KIF13A: variants seen among roughly 807,000 people sequenced by gnomAD.
The protein encoded by KIF13A is kinesin-like protein KIF13A.
In KIF13A, 79 loss-of-function variants were observed where a neutral mutation model predicts 212.2. The ratio of observed to expected loss-of-function variants is 0.37; its 90% confidence interval spans 0.31 to 0.45. The LOEUF (loss-of-function observed/expected upper bound fraction) is 0.45, where lower values mean the gene tolerates loss of function less well. Ranked by LOEUF, KIF13A falls within the 20% of genes least tolerant of loss-of-function variation. KIF13A has a pLI of 1.00. For synonymous variants in KIF13A, 789 were observed against 808.6 expected, an observed-to-expected ratio of 0.98 and a Z score of 0.41; for missense variants, 1,901 against 2,209.0, an observed-to-expected ratio of 0.86 and a Z score of 2.79.
chr6:17,778,833 C>T, intron 33 of KIF13A, 114 bp downstream of exon 33: 2 of 1,236,674 alleles, frequency 1.6e-6, no homozygotes, highest in Non-Finnish European at 2.3e-6. Context: ...AGAGATGGCT[C>T]AAGTGCTCCT....
chr6:17,966,079 A>G (rs140520160), intron 2 of KIF13A, among the ~76,000 whole-genome samples: 1 of 152,286 alleles, frequency 6.6e-6, no homozygotes, highest in African/African-American at 2.4e-5. Flanking sequence ...CTATAATTCC[A>G]GCTAGTGAGG....
At chr6:17,861,649 CTT>C (rs1768797285) in intron 4 of KIF13A, among the ~76,000 whole-genome samples, 1 of 152,172 alleles carries the variant, frequency 6.6e-6, no homozygotes, top group Non-Finnish European at 1.5e-5. Flanking sequence ...AGAAAAGCCT[CTT>C]GTTTGGATAA....
intron 4 of KIF13A, among the ~76,000 whole-genome samples, chr6:17,869,345 A>G (rs1413071002): frequency 6.6e-6 from 1 of 152,202 alleles, no homozygotes; most frequent in Admixed American, 6.5e-5. Flanking sequence ...CAATGAGACA[A>G]TAATAAAGAC....
chr6:17,802,228 T>C (rs573127679), intron 20 of KIF13A, among the ~76,000 whole-genome samples: 1 of 151,718 alleles, frequency 6.6e-6, no homozygotes, highest in East Asian at 1.9e-4. Flanking sequence ...AAGACAAATA[T>C]GGAGGAAGTA....
intron 2 of KIF13A, among the ~76,000 whole-genome samples, chr6:17,929,680 G>A (rs535514195): frequency 3.3e-5 from 5 of 152,262 alleles, no homozygotes; most frequent in Middle Eastern, 6.8e-3. Flanking sequence ...GATTACAGGC[G>A]TGAGCCACCG....
intron 13 of KIF13A, among the ~76,000 whole-genome samples, chr6:17,830,310 A>G (rs937421032): frequency 6.6e-6 from 1 of 152,210 alleles, no homozygotes; most frequent in Non-Finnish European, 1.5e-5. Context: ...AATTTTCCAG[A>G]GTCTATGAGA....
At chr6:17,781,623 G>GTTTTTT (rs776138365) in intron 29 of KIF13A, among the ~76,000 whole-genome samples, 13 of 107,074 alleles carry the variant, frequency 1.2e-4, no homozygotes, top group Admixed American at 2.2e-4. Context: ...CTGTACTTGG[G>GTTTTTT]TTTTTTTTTT....
chr6:17,805,140 G>T (rs1762831702), intron 19 of KIF13A, among the ~76,000 whole-genome samples: 1 of 152,168 alleles, frequency 6.6e-6, no homozygotes, highest in Non-Finnish European at 1.5e-5. Flanking sequence ...CAGTCAAGCT[G>T]ATTTTTCACA....
intron 2 of KIF13A, among the ~76,000 whole-genome samples, chr6:17,924,781 G>A (rs962774692): frequency 2.6e-5 from 4 of 152,290 alleles, no homozygotes; most frequent in Admixed American, 2.6e-4. Flanking sequence ...TCTTCCAGAT[G>A]TAGATGGAAA....
intron 6 of KIF13A, among the ~76,000 whole-genome samples, chr6:17,854,783 C>T (rs1174414501): frequency 6.6e-6 from 1 of 151,826 alleles, no homozygotes; most frequent in Admixed American, 6.6e-5. Flanking sequence ...GAACTCCTGA[C>T]CTCAGATGAT....
intron 2 of KIF13A, among the ~76,000 whole-genome samples, chr6:17,917,235 C>CT (rs71002284): frequency 0.011 from 838 of 79,028 alleles, 21 homozygotes; most frequent in African/African-American, 0.028. Flanking sequence ...TTACACGATT[C>CT]TTTTTTTTTT....
chr6:17,760,720 C>T (rs974097350), downstream of KIF13A: 13 of 823,880 alleles, frequency 1.6e-5, no homozygotes, highest in East Asian at 5.2e-5. Flanking sequence ...AGGAAGTGCA[C>T]GGTGTGGATT....
chr6:17,974,092 A>AT (rs1561823784), intron 2 of KIF13A, among the ~76,000 whole-genome samples: 2 of 151,912 alleles, frequency 1.3e-5, no homozygotes, highest in Non-Finnish European at 2.9e-5. Flanking sequence ...TTTTATTTTT[A>AT]TTTTTTTGAG....
intron 16 of KIF13A, among the ~76,000 whole-genome samples, chr6:17,822,423 A>C (rs1764540041): frequency 6.6e-6 from 1 of 152,224 alleles, no homozygotes; most frequent in Non-Finnish European, 1.5e-5. Flanking sequence ...ATTCATGTTA[A>C]CACTGTGCAC....
chr6:17,966,264 C>T (rs1271607152), intron 2 of KIF13A, among the ~76,000 whole-genome samples: 2 of 151,932 alleles, frequency 1.3e-5, no homozygotes, highest in South Asian at 2.1e-4. Context: ...TGTATGTATG[C>T]GTTATTTTTT....
At chr6:17,928,361 T>C (rs539366372) in intron 2 of KIF13A, among the ~76,000 whole-genome samples, 1 of 152,274 alleles carries the variant, frequency 6.6e-6, no homozygotes, top group South Asian at 2.1e-4. Flanking sequence ...CCAGTTGGAA[T>C]CAGTAACATG....
At chr6:17,965,108 C>A (rs531244003) in intron 2 of KIF13A, among the ~76,000 whole-genome samples, 329 of 152,300 alleles carry the variant, frequency 2.2e-3, no homozygotes, top group Non-Finnish European at 2.9e-3. Context: ...GAGATTAAGG[C>A]ATGAGCCACT....
chr6:17,968,447 G>A lies in KIF13A; in HGVS notation c.146+18607C>T, dbSNP rs1015885205. On this transcript the variant is annotated intron_variant, in intron 2 of 38. Coordinates refer to ENST00000259711, the MANE Select transcript of KIF13A (RefSeq NM_022113.6). This position sits in a 1 kb window ranked among gnomAD's most constrained non-coding sequence, Gnocchi z 4.7. ...GCCCAACTACATCAGGTTGGTGTAG[G>A]GTCCATTCATCCAGTCTGGGACCAC... Among the ~76,000 whole-genome samples the A allele has an allele frequency of 6.6e-6, 1 of 152,154 alleles. No individual in the cohort carries two copies. The highest frequency in any genetic ancestry group is 1.5e-5 in the Non-Finnish European group (1 of 68,028).
Position 17,855,828 on chromosome 6 carries a change from C to T in KIF13A, c.313+202G>A, listed in dbSNP as rs865788891. Reference sequence around the variant, plus strand: ...TCCTGGGCTCAAGCCATCCTCCCACCTCAGTCTCCCAAGAAGCTGGGACTA... The same window carrying T: ...TCCTGGGCTCAAGCCATCCTCCCACTTCAGTCTCCCAAGAAGCTGGGACTA... On this transcript the variant is annotated intron_variant, in intron 5 of 38. Transcript: ENST00000259711. This position sits in a 1 kb window ranked among gnomAD's most constrained non-coding sequence, Gnocchi z 4.1. Among the ~76,000 whole-genome samples, 1 of 152,182 alleles carries T rather than the reference C, an allele frequency of 6.6e-6. No homozygotes were observed.
Sources: allele counts gnomAD v4.1 joint callset (sites outside exome capture counted in the v4.1 genomes callset), GRCh38; gene constraint gnomAD v4.1.1; non-coding constraint Gnocchi (gnomAD v3.1); transcripts MANE v1.5; gene names NCBI Gene and HGNC (gene_info 2026-07-23, HGNC 2026-07-21).